GNA14: variants seen among roughly 807,000 people sequenced by gnomAD.
GNA14 encodes G protein subunit alpha 14.
GNA14 carries 50 observed loss-of-function variants against 42.0 expected under a neutral mutation model. The observed-to-expected ratio is 1.19, with a 90% CI of 0.95 to 1.51. The LOEUF (loss-of-function observed/expected upper bound fraction) is 1.51, where lower values mean the gene tolerates loss of function less well. GNA14 is among the 40% of genes most tolerant of loss of function. The probability of loss-of-function intolerance (pLI) is 0.00; values close to 1 mark genes in which losing one functional copy is unlikely to be tolerated. For synonymous variants in GNA14, 173 were observed against 163.1 expected (o/e 1.06, Z -0.46); for missense variants, 473 against 446.2 (o/e 1.06, Z -0.54).
chr9:77,523,854 A>G (rs1837396824), intron 2 of GNA14, among the ~76,000 whole-genome samples: 1 of 152,286 alleles, frequency 6.6e-6, no homozygotes, highest in Admixed American at 6.5e-5. Flanking sequence ...CTGTATCTAC[A>G]TCATGCAAGC....
At chr9:77,513,357 G>A (rs1837200495) in intron 2 of GNA14, among the ~76,000 whole-genome samples, 1 of 152,212 alleles carries the variant, frequency 6.6e-6, no homozygotes, top group South Asian at 2.1e-4. Context: ...TCTTGGGAAA[G>A]TTATTTACCT....
intron 1 of GNA14, among the ~76,000 whole-genome samples, chr9:77,637,241 T>C (rs1272432358): frequency 2.0e-5 from 3 of 152,200 alleles, no homozygotes; most frequent in Admixed American, 1.3e-4. Flanking sequence ...GTCTTACCAC[T>C]TTTCACTGTT....
At chr9:77,430,416 G>C (rs538618090) in intron 4 of GNA14, among the ~76,000 whole-genome samples, 4 of 152,318 alleles carry the variant, frequency 2.6e-5, no homozygotes, top group Admixed American at 1.3e-4. Context: ...GAGTCTGAGA[G>C]GTTTTGGACA....
At chr9:77,543,782 C>A (rs910771515) in intron 1 of GNA14, among the ~76,000 whole-genome samples, 1 of 152,182 alleles carries the variant, frequency 6.6e-6, no homozygotes, top group African/African-American at 2.4e-5. Flanking sequence ...CCAGTGTTCT[C>A]TCTTCCACGA....
At chr9:77,551,914 C>T (rs959622297) in intron 1 of GNA14, among the ~76,000 whole-genome samples, 5 of 151,710 alleles carry the variant, frequency 3.3e-5, no homozygotes, top group Non-Finnish European at 7.4e-5. Flanking sequence ...CCGAGTCAGG[C>T]GGATCACCTG....
At chr9:77,458,873 C>G (rs998923088) in intron 2 of GNA14, among the ~76,000 whole-genome samples, 2 of 150,136 alleles carry the variant, frequency 1.3e-5, no homozygotes, top group African/African-American at 5.0e-5. Context: ...CACCTCTCTG[C>G]AGAACCTAAG....
At position 77,528,771 on chromosome 9, in the gene GNA14, G is replaced by A. The variant is rs1281706787; in HGVS notation, c.309+298C>T. On this transcript the variant is annotated intron_variant, in intron 2 of 6. Coordinates refer to ENST00000341700, the MANE Select transcript of GNA14 (RefSeq NM_004297.4). ...GAAGAAATTAACTGGGTCTCTTAGC[G>A]GAAAGAGAAAATGTATGACTTCCTT... 4.6e-5 allele frequency among the ~76,000 whole-genome samples: 7 copies of A among 152,112 alleles called. 1 individual carries two copies. In the South Asian group the frequency reaches 6.2e-4, roughly 14 times the overall value.
chr9:77,508,375 A>G (rs1425294221), intron 2 of GNA14, among the ~76,000 whole-genome samples: 1 of 152,180 alleles, frequency 6.6e-6, no homozygotes, highest in Non-Finnish European at 1.5e-5. Flanking sequence ...TGAGAACCAG[A>G]GCTGTCACGA....
intron 1 of GNA14, among the ~76,000 whole-genome samples, chr9:77,596,414 A>G (rs1296924832): frequency 6.6e-6 from 1 of 152,036 alleles, no homozygotes. Context: ...TTTACCTAGG[A>G]TTAGAAACAG....
chr9:77,488,163 A>T (rs1021246181), intron 2 of GNA14, among the ~76,000 whole-genome samples: 1 of 152,334 alleles, frequency 6.6e-6, no homozygotes, highest in African/African-American at 2.4e-5. Context: ...TGAGGAGGAT[A>T]TATTTCCTAG....
At chr9:77,543,427 C>A (rs1837683287) in intron 1 of GNA14, among the ~76,000 whole-genome samples, 4 of 152,204 alleles carry the variant, frequency 2.6e-5, no homozygotes, top group Non-Finnish European at 4.4e-5. Flanking sequence ...GGCATCAGCT[C>A]CAGGGAATGC....
At chr9:77,497,469 A>G (rs2377917) in intron 2 of GNA14, among the ~76,000 whole-genome samples, 74,376 of 151,940 alleles carry the variant, frequency 0.49, 18,925 homozygotes, top group East Asian at 0.83. Flanking sequence ...TGAAGACACC[A>G]CATCCCTGAG....
intron 1 of GNA14, among the ~76,000 whole-genome samples, chr9:77,621,953 T>C (rs1300738949): frequency 6.6e-6 from 1 of 152,140 alleles, no homozygotes. Flanking sequence ...TAAGACAGGG[T>C]CTCACTCTGT....
At chr9:77,491,648 C>T (rs1836777465) in intron 2 of GNA14, among the ~76,000 whole-genome samples, 1 of 152,168 alleles carries the variant, frequency 6.6e-6, no homozygotes, top group Non-Finnish European at 1.5e-5. Context: ...AACATTGGAA[C>T]TCCCAAGCAT....
chr9:77,587,919 G>A (rs1188195330), intron 1 of GNA14, among the ~76,000 whole-genome samples: 2 of 152,140 alleles, frequency 1.3e-5, no homozygotes, highest in Non-Finnish European at 2.9e-5. Context: ...GGCTCTAAGG[G>A]AGGCTTCATT....
intron 1 of GNA14, among the ~76,000 whole-genome samples, chr9:77,615,931 G>T (rs1199322241): frequency 6.6e-6 from 1 of 151,274 alleles, no homozygotes; most frequent in Non-Finnish European, 1.5e-5. Flanking sequence ...CAAGATTTTT[G>T]TTGTTGTTGT....
chr9:77,555,372 TG>T (rs1158466248), intron 1 of GNA14, among the ~76,000 whole-genome samples: 1 of 152,064 alleles, frequency 6.6e-6, no homozygotes, highest in Non-Finnish European at 1.5e-5. Flanking sequence ...CTGGGCGTGG[TG>T]GCATGGGCCA....
chr9:77,641,466 C>T (rs754141685), intron 1 of GNA14, among the ~76,000 whole-genome samples: 10 of 151,696 alleles, frequency 6.6e-5, no homozygotes, highest in African/African-American at 2.4e-4. Flanking sequence ...ATGCCACCCC[C>T]GAGAAGGACA....
intron 2 of GNA14, among the ~76,000 whole-genome samples, chr9:77,491,797 A>C (rs997289737): frequency 1.3e-5 from 2 of 152,252 alleles, no homozygotes; most frequent in African/African-American, 4.8e-5. Flanking sequence ...GTTAAACTAC[A>C]CATTAGACCA....
Sources: gnomAD v4.1 joint callset for allele counts (sites outside exome capture counted in the v4.1 genomes callset) on GRCh38, gnomAD v4.1.1 for gene constraint, MANE v1.5 for transcripts, NCBI Gene and HGNC (gene_info 2026-07-23, HGNC 2026-07-21) for gene names.